Variants in APC observed in about 807,000 individuals in gnomAD.
The protein encoded by APC is APC regulator of Wnt signaling pathway.
A neutral mutation model predicts 247.0 loss-of-function variants in APC; 72 were observed. The ratio of observed to expected loss-of-function variants is 0.29; its 90% CI spans 0.24 to 0.35. The LOEUF is 0.35. Ranked by LOEUF, APC falls within the 10% of genes least tolerant of loss-of-function variation. The probability of loss-of-function intolerance (pLI) is 1.00; values close to 1 mark genes in which losing one functional copy is unlikely to be tolerated. For missense variants in APC, 3,400 were observed against 3,360.7 expected (o/e 1.01, Z -0.29); for synonymous variants, 1,254 against 1,162.5 (o/e 1.08, Z -1.60).
At chr5:112,784,055 A>G (rs887851388) in intron 6 of APC, among the ~76,000 whole-genome samples, 2 of 151,916 alleles carry the variant, frequency 1.3e-5, no homozygotes, top group African/African-American at 4.8e-5. Flanking sequence ...CTACCTTTAA[A>G]TCTTTTTTGT....
At chr5:112,773,258 C>A (rs1388790317) in intron 4 of APC, among the ~76,000 whole-genome samples, 1 of 152,114 alleles carries the variant, frequency 6.6e-6, no homozygotes, top group Non-Finnish European at 1.5e-5. Flanking sequence ...AAGATTCATT[C>A]CCATATTTCC....
chr5:112,801,407 T>G, intron 8 of APC, 24 bp downstream of exon 8: 1 of 1,482,582 alleles, frequency 6.7e-7, no homozygotes, highest in Non-Finnish European at 9.2e-7. Context: ...TTTATCATAT[T>G]TTTTAAAATT....
rs770616197 is a variant in APC at position 112,819,313 on chromosome 5, T to A, written c.1281T>A (p.His427Gln). The change falls in exon 10 of 16, where the codon CAT (histidine) becomes CAA (glutamine). Residue 427 changes from histidine to glutamine, a missense_variant. By Grantham distance (24) the His-to-Gln change is conservative. Around this residue, in one of 9 missense-constraint regions of APC, gnomAD observed 199 missense variants for 212.5 expected, o/e 0.94. Coordinates refer to ENST00000257430, the MANE Select transcript of APC (RefSeq NM_000038.6). ...CETCWEWQEA[H>Q]EPGMDQDKNP... ...CCTGTTGGGAGTGGCAGGAAGCTCA[T>A]GAACCAGGCATGGACCAGGACAAAA... 7.4e-6 allele frequency: 12 copies of A among 1,614,054 alleles called. No homozygotes were observed. The highest frequency in any genetic ancestry group is 8.5e-6 in the Non-Finnish European group (10 of 1,179,958).
intron 1 of APC, among the ~76,000 whole-genome samples, chr5:112,748,711 C>T (rs900848129): frequency 3.9e-5 from 6 of 152,088 alleles, no homozygotes; most frequent in Non-Finnish European, 5.9e-5. Context: ...CCCAGCTACT[C>T]GGGAGGCTGA....
Position 112,839,616 on chromosome 5 carries a change from G to T in APC, c.4022G>T (p.Ser1341Ile), listed in dbSNP as rs1218402215. 6.2e-7 allele frequency: 1 copy of T among 1,614,164 alleles called. No individual in the cohort carries two copies. Among genetic ancestry groups the T allele is most frequent in the Admixed American group, 1.7e-5 (1 of 60,020 alleles). ...RTKSSRLQGS[S>I]LSSESARHKA... ...AAATCCAGCAGACTGCAGGGTTCTA[G>T]TTTATCTTCAGAATCAGCCAGGCAC... Residue 1341 changes from serine (S) to isoleucine (I), a missense_variant, in exon 16 of 16, where the codon AGT (serine) becomes ATT (isoleucine). Physicochemically the swap from Ser to Ile is moderately radical, Grantham distance 142 (BLOSUM62 -2). Transcript: ENST00000257430. The surrounding 1 kb of genome is among the most constrained non-coding windows in gnomAD (Gnocchi z 5.0).
At chr5:112,802,928 T>C (rs772110180) in intron 8 of APC, among the ~76,000 whole-genome samples, 5 of 151,986 alleles carry the variant, frequency 3.3e-5, no homozygotes, top group Non-Finnish European at 7.4e-5. Flanking sequence ...CAAGCCATCG[T>C]AGAAGTAAAA....
rs918418419 is a variant in APC at position 112,845,932 on chromosome 5, C to T, written c.*1806C>T. 3 of 232,012 alleles carry T rather than the reference C, an allele frequency of 1.3e-5. No homozygotes were observed. The highest frequency in any genetic ancestry group is 2.2e-5 in the African/African-American group (1 of 45,258). The allele number at this position is 232,012 out of a possible 1,614,324, so 14.4% of individuals were successfully genotyped here. A position where few individuals can be genotyped will look rare whatever the true frequency, so the allele number is the denominator to read the frequency against. On this transcript the variant is annotated 3_prime_UTR_variant, in exon 16 of 16. Coordinates refer to ENST00000257430, the MANE Select transcript of APC (RefSeq NM_000038.6). ...CTCAGATAGGAGTGAATACACCTAC[C>T]TGGTGCCTTGAAAATCACATCAAGT...
intron 8 of APC, among the ~76,000 whole-genome samples, chr5:112,809,138 A>G (rs867356410): frequency 4.0e-5 from 6 of 151,498 alleles, no homozygotes; most frequent in Non-Finnish European, 4.4e-5. Flanking sequence ...GATCACTTGA[A>G]CCCAAGAGTT....
At chr5:112,730,053 G>C (rs899420517) in intron 1 of APC, among the ~76,000 whole-genome samples, 1 of 152,098 alleles carries the variant, frequency 6.6e-6, no homozygotes, top group African/African-American at 2.4e-5. Context: ...ACATAAAGAT[G>C]TCTCCTGCAT....
chr5:112,750,849 A>C (rs572446670), intron 1 of APC, among the ~76,000 whole-genome samples: 21 of 152,296 alleles, frequency 1.4e-4, no homozygotes, highest in Admixed American at 5.9e-4. Flanking sequence ...AATGTTTTTC[A>C]AACATTTAAA....
intron 1 of APC, among the ~76,000 whole-genome samples, chr5:112,742,945 C>A (rs1445034397): frequency 6.6e-6 from 1 of 152,184 alleles, no homozygotes; most frequent in Non-Finnish European, 1.5e-5. Flanking sequence ...GCTGTTGTAA[C>A]AAATTAACAC....
chr5:112,798,026 A>T (rs192207419), intron 7 of APC, among the ~76,000 whole-genome samples: 29 of 152,324 alleles, frequency 1.9e-4, no homozygotes, highest in Admixed American at 5.9e-4. Flanking sequence ...GATTCCTCAA[A>T]ATATTAAACA....
At chr5:112,734,161 CCA>C (rs1752245807), upstream of APC, among the ~76,000 whole-genome samples, 1 of 152,128 alleles carries the variant, frequency 6.6e-6, no homozygotes, top group African/African-American at 2.4e-5. Context: ...CCACTGCACT[CCA>C]GCCTGGGTGA....
At chr5:112,792,604 T>C (rs1759754500) in intron 7 of APC, 75 bp downstream of exon 7, 1 of 1,041,622 alleles carries the variant, frequency 9.6e-7, no homozygotes, top group Non-Finnish European at 1.5e-6. Flanking sequence ...ATGTATAATT[T>C]AATGTGACAC....
At chr5:112,817,914 C>T (rs1476772958) in intron 9 of APC, among the ~76,000 whole-genome samples, 3 of 152,186 alleles carry the variant, frequency 2.0e-5, no homozygotes, top group African/African-American at 7.2e-5. Context: ...ATCCGCAGTC[C>T]TATACTGCCT....
Position 112,841,997 on chromosome 5 carries a change from A to G in APC, c.6403A>G (p.Ile2135Val), listed in dbSNP as rs757633174. 12 of 1,613,014 alleles carry G rather than the reference A, an allele frequency of 7.4e-6. No homozygotes were observed. Among genetic ancestry groups the G allele is most frequent in the Non-Finnish European group, 9.3e-6 (11 of 1,179,164 alleles). The stretch of plus-strand genomic sequence containing the variant: ...ACAAGCTTCGTCTGATTCAGATTCC[A>G]TCCTTTCCCTGAAATCAGGAATCTC... ...SRQASSDSDS[I>V]LSLKSGISLG... Residue 2135 changes from isoleucine (I) to valine (V), a missense_variant, in exon 16 of 16, where the codon ATC becomes GTC. Ile to Val is a conservative substitution (Grantham distance 29). Transcript: ENST00000257430. This position sits in a 1 kb window ranked among gnomAD's most constrained non-coding sequence, Gnocchi z 4.6.
rs1554084265 is a variant in APC at position 112,838,153 on chromosome 5, G to A, written c.2559G>A (p.Glu853=). The change falls in exon 16 of 16, where the codon GAG becomes GAA. Residue 853 remains glutamate (E), a synonymous_variant. Coordinates refer to ENST00000257430, the MANE Select transcript of APC (RefSeq NM_000038.6). ...GTTCTGAAAAAGATAGAAGTTTGGAGAGAGAACGCGGAATTGGTCTAGGCA... is the reference window on the plus strand; with the variant it reads ...GTTCTGAAAAAGATAGAAGTTTGGAAAGAGAACGCGGAATTGGTCTAGGCA... ...SSRSEKDRSL[E]RERGIGLGNY... is the part of the protein sequence containing the mutation. The A allele has an allele frequency of 6.2e-7, 1 of 1,614,142 alleles. No homozygotes were observed. The highest frequency in any genetic ancestry group is 8.5e-7 in the Non-Finnish European group (1 of 1,180,028).
intron 1 of APC, among the ~76,000 whole-genome samples, chr5:112,728,428 G>C (rs1000431051): frequency 6.6e-6 from 1 of 152,074 alleles, no homozygotes; most frequent in Non-Finnish European, 1.5e-5. Context: ...CACCGTGCCC[G>C]ACCAGTGTAT....
chr5:112,796,343 GAA>G (rs1760211616), intron 7 of APC, among the ~76,000 whole-genome samples: 1 of 152,172 alleles, frequency 6.6e-6, no homozygotes, highest in Non-Finnish European at 1.5e-5. Flanking sequence ...AAACTCAGCT[GAA>G]AGAGATTAGA....
Sources: gnomAD v4.1 joint callset for allele counts (sites outside exome capture counted in the v4.1 genomes callset) on GRCh38, gnomAD v4.1.1 for gene constraint, gnomAD v4.1.1 regional missense constraint, Gnocchi (gnomAD v3.1) non-coding constraint, MANE v1.5 for transcripts, NCBI Gene and HGNC (gene_info 2026-07-23, HGNC 2026-07-21) for gene names.